Variants in PRELID2 observed in about 807,000 individuals in gnomAD.
The protein encoded by PRELID2 is PRELI domain-containing protein 2.
Under a neutral mutation model 28.4 loss-of-function variants are expected in PRELID2, and 25 were observed. That is an observed-to-expected ratio of 0.88 (90% CI 0.64 to 1.23). The LOEUF is 1.23. Among genes scored for constraint, PRELID2 ranks in the 50% most tolerant of loss-of-function variants. PRELID2 has a pLI of 0.00. For missense variants in PRELID2, 201 were observed against 214.4 expected (o/e 0.94, Z 0.39); for synonymous variants, 76 against 71.6 (o/e 1.06, Z -0.31).
At chr5:145,421,650 G>A in the PRELID2 span, among the ~76,000 whole-genome samples, 1 of 141,252 alleles carries the variant, frequency 7.1e-6, no homozygotes, top group East Asian at 2.0e-4. Context: ...CTTGCTAGCG[G>A]TCTATCAATT....
chr5:145,354,735 G>C, the PRELID2 span, among the ~76,000 whole-genome samples: 1 of 152,148 alleles, frequency 6.6e-6, no homozygotes, highest in African/African-American at 2.4e-5. Context: ...AAGTATGTCA[G>C]AGAGAGGAGT....
intron 4 of PRELID2, among the ~76,000 whole-genome samples, chr5:145,805,985 G>T (rs2149834968): frequency 6.6e-6 from 1 of 152,238 alleles, no homozygotes; most frequent in East Asian, 1.9e-4. Flanking sequence ...ATGAATGATG[G>T]AGCCTGCAGT....
chr5:145,559,950 C>T (rs1752913066), intron 1 of PRELID2, among the ~76,000 whole-genome samples: 1 of 152,012 alleles, frequency 6.6e-6, no homozygotes, highest in Non-Finnish European at 1.5e-5. Context: ...GGTCATGTTC[C>T]AATAAACCCA....
the PRELID2 span, among the ~76,000 whole-genome samples, chr5:145,446,205 A>G: frequency 6.6e-6 from 1 of 152,140 alleles, no homozygotes; most frequent in African/African-American, 2.4e-5. Flanking sequence ...TTATCACTAT[A>G]TATAATATGT....
chr5:145,679,630 T>C (rs1275089477), intron 1 of PRELID2, among the ~76,000 whole-genome samples: 1 of 152,000 alleles, frequency 6.6e-6, no homozygotes, highest in Non-Finnish European at 1.5e-5. Context: ...ACTTCTTAAA[T>C]AAAATAATTA....
At chr5:145,580,002 C>T (rs1171247227) in intron 1 of PRELID2, among the ~76,000 whole-genome samples, 1 of 152,008 alleles carries the variant, frequency 6.6e-6, no homozygotes, top group Non-Finnish European at 1.5e-5. Context: ...CCAAATAAGA[C>T]CAAATAACTT....
the PRELID2 span, among the ~76,000 whole-genome samples, chr5:145,305,343 A>G: frequency 4.6e-5 from 7 of 152,204 alleles, no homozygotes; most frequent in African/African-American, 1.7e-4. Flanking sequence ...TACCTTGGCA[A>G]GTAGAAATTA....
At chr5:145,793,735 C>T (rs1033637556) in intron 5 of PRELID2, among the ~76,000 whole-genome samples, 2 of 152,188 alleles carry the variant, frequency 1.3e-5, no homozygotes, top group Admixed American at 6.5e-5. Context: ...CCTCCCTGGG[C>T]ATTTCCTTTC....
At chr5:145,467,622 C>T (rs1267287784), downstream of PRELID2, among the ~76,000 whole-genome samples, 1 of 152,048 alleles carries the variant, frequency 6.6e-6, no homozygotes, top group African/African-American at 2.4e-5. Context: ...AAGAAGGAAA[C>T]AGAAGTTACC....
At chr5:145,299,597 G>C in the PRELID2 span, among the ~76,000 whole-genome samples, 5 of 151,214 alleles carry the variant, frequency 3.3e-5, no homozygotes, top group Non-Finnish European at 7.4e-5. Context: ...TTGGACACAG[G>C]TTCCATTTTT....
rs555649636 is a variant in PRELID2 at position 145,575,215 on chromosome 5, C to T, written n.71-101900G>A. 5.9e-5 allele frequency among the ~76,000 whole-genome samples: 9 copies of T among 152,254 alleles called. No individual in the cohort carries two copies. In the South Asian group the frequency reaches 1.5e-3, roughly 25 times the overall value. ...TGCCTCAAAAACCCATGTCTTGAAC[C>T]CCTACACTTTATTTACTACCTGCTG... On this transcript the variant is annotated intron_variant and non_coding_transcript_variant, in intron 1 of 2. Coordinates refer to the PRELID2 transcript ENST00000510259.
chr5:145,482,069 G>A (rs717076), intron 1 of PRELID2, among the ~76,000 whole-genome samples: 52,541 of 151,902 alleles, frequency 0.35, 9,760 homozygotes, highest in East Asian at 0.73. Flanking sequence ...ATTCAGGGAC[G>A]TGGACTCCTT....
At chr5:145,369,971 G>A in the PRELID2 span, among the ~76,000 whole-genome samples, 1 of 140,316 alleles carries the variant, frequency 7.1e-6, no homozygotes, top group African/African-American at 2.6e-5. Flanking sequence ...TTTTTTTTTT[G>A]TAAATTTGTT....
the PRELID2 span, among the ~76,000 whole-genome samples, chr5:145,380,023 G>A: frequency 6.6e-6 from 1 of 152,144 alleles, no homozygotes; most frequent in African/African-American, 2.4e-5. Context: ...ATGCTAGGGG[G>A]ACGGCCCTTT....
the PRELID2 span, among the ~76,000 whole-genome samples, chr5:145,394,474 C>G: frequency 6.6e-6 from 1 of 151,574 alleles, no homozygotes; most frequent in African/African-American, 2.4e-5. Context: ...GGTGATATAC[C>G]TAATGCTAAA....
intron 1 of PRELID2, among the ~76,000 whole-genome samples, chr5:145,712,702 G>A (rs2149711084): frequency 1.3e-5 from 2 of 152,226 alleles, no homozygotes; most frequent in Middle Eastern, 6.8e-3. Flanking sequence ...ATAGTATATG[G>A]AAGCAGACCC....
chr5:145,647,795 T>A (rs1026024265), intron 1 of PRELID2, among the ~76,000 whole-genome samples: 7 of 152,130 alleles, frequency 4.6e-5, no homozygotes, highest in African/African-American at 1.7e-4. Flanking sequence ...GGGGTGAGAA[T>A]TCCCCCAACC....
chr5:145,337,733 T>A, the PRELID2 span, among the ~76,000 whole-genome samples: 362 of 95,536 alleles, frequency 3.8e-3, no homozygotes, highest in Non-Finnish European at 5.0e-3. Context: ...ATATATATAC[T>A]CACACACACA....
chr5:145,358,096 C>A, the PRELID2 span, among the ~76,000 whole-genome samples: 18 of 152,148 alleles, frequency 1.2e-4, 1 homozygote, highest in South Asian at 3.7e-3. Context: ...CTCCTTCAGG[C>A]AAGGGCTGCA....
Sources: allele counts gnomAD v4.1 joint callset (sites outside exome capture counted in the v4.1 genomes callset), GRCh38; gene constraint gnomAD v4.1.1; transcripts MANE v1.5; gene names NCBI Gene and HGNC (gene_info 2026-07-23, HGNC 2026-07-21).